Variants in MYH1 observed in about 807,000 individuals in gnomAD.
The protein encoded by MYH1 is myosin-1.
Under a neutral mutation model 225.6 loss-of-function variants are expected in MYH1, and 214 were observed. The observed-to-expected ratio is 0.95, with a 90% CI of 0.85 to 1.06. The LOEUF (loss-of-function observed/expected upper bound fraction) is 1.06. MYH1 is among the 50% of genes least tolerant of loss of function. The probability of loss-of-function intolerance (pLI) is 0.00; values close to 1 mark genes in which losing one functional copy is unlikely to be tolerated. For missense variants in MYH1, 2,098 were observed against 2,344.2 expected (o/e 0.89, Z 2.17); for synonymous variants, 774 against 842.3 (o/e 0.92, Z 1.40).
At chr17:10,493,677 G>T (rs12944031) in intron 39 of MYH1, among the ~76,000 whole-genome samples, 8,640 of 152,164 alleles carry the variant, frequency 0.057, 267 homozygotes, top group South Asian at 0.12. Flanking sequence ...CTGCAATTCT[G>T]TTCTTCCCTT....
At chr17:10,517,823 A>G (rs1408523561) in intron 2 of MYH1, among the ~76,000 whole-genome samples, 2 of 152,194 alleles carry the variant, frequency 1.3e-5, no homozygotes, top group African/African-American at 2.4e-5. Flanking sequence ...CTATTTATCC[A>G]ATTAGACATC....
chr17:10,497,496 G>T, intron 31 of MYH1, 44 bp from the exon 32 acceptor site: 3 of 1,577,156 alleles, frequency 1.9e-6, no homozygotes, highest in South Asian at 1.2e-5. Flanking sequence ...GACAAAATTT[G>T]ATGAGATAAA....
chr17:10,513,154 T>A (rs1311311463), intron 9 of MYH1, among the ~76,000 whole-genome samples, 189 bp from the exon 10 acceptor site: 1 of 152,172 alleles, frequency 6.6e-6, no homozygotes, highest in Non-Finnish European at 1.5e-5. Context: ...GGGAAAAAAG[T>A]GAAATATGCT....
Position 10,509,617 on chromosome 17 carries a change from A to T in MYH1, c.1455T>A (p.Asn485Lys). ...GGTTGAAAAACTGTTGCAGTTTCTC[A>T]TTGGTGAAGTTGATGCACAGCTGCT... is the stretch of plus-strand genomic sequence containing the variant. ...SLEQLCINFT[N>K]EKLQQFFNHH... Residue 485 changes from asparagine to lysine, a missense_variant, in exon 15 of 40, where the codon AAT becomes AAA. Transcript: ENST00000226207. The T allele has an allele frequency of 1.2e-6, 2 of 1,614,174 alleles. No individual in the cohort carries two copies. The highest frequency in any genetic ancestry group is 1.7e-6 in the Non-Finnish European group (2 of 1,180,030).
chr17:10,502,190 G>A (rs2073065562), intron 24 of MYH1, among the ~76,000 whole-genome samples: 1 of 152,172 alleles, frequency 6.6e-6, no homozygotes, highest in South Asian at 2.1e-4. Flanking sequence ...CAGCTGGGAT[G>A]GACACCATGC....
Position 10,500,755 on chromosome 17 carries a change from G to A in MYH1, c.3739-3C>T. 1.9e-6 allele frequency: 3 copies of A among 1,613,988 alleles called. No individual in the cohort carries two copies. The highest frequency in any genetic ancestry group is 2.5e-6 in the Non-Finnish European group (3 of 1,179,966). On this transcript the variant is annotated splice_region_variant and splice_polypyrimidine_tract_variant and intron_variant, in intron 27 of 39. Coordinates refer to ENST00000226207, the MANE Select transcript of MYH1 (RefSeq NM_005963.4). ...CGGCACATCTTTTCAAGGTTTCCCT[G>A]CATTCAAAAAGTGGTAGAAGGCATC... is the stretch of plus-strand genomic sequence containing the variant.
chr17:10,516,442 T>A lies in MYH1; in HGVS notation c.201A>T (p.Gly67=). 1.2e-6 allele frequency: 2 copies of A among 1,614,244 alleles called. No homozygotes were observed. The highest frequency in any genetic ancestry group is 1.7e-6 in the Non-Finnish European group (2 of 1,180,048). ...GGKVTAKTEA[G]ATVTVKDDQV... The stretch of plus-strand genomic sequence containing the variant: ...AGCTCCAGGTGTTTTTACTCACAGC[T>A]CCAGCTTCGGTCTTAGCTGTCACCT... Residue 67 remains glycine (G), a synonymous_variant, in exon 3 of 40, where the codon GGA becomes GGT. Transcript: ENST00000226207.
chr17:10,515,427 G>T (rs1715154583), intron 5 of MYH1, among the ~76,000 whole-genome samples: 2 of 152,080 alleles, frequency 1.3e-5, no homozygotes, highest in Admixed American at 1.3e-4. Context: ...TATGTGTGTA[G>T]CCCCAAAACA....
chr17:10,511,955 C>T lies in MYH1; in HGVS notation c.1300G>A (p.Val434Ile), dbSNP rs753113092. The T allele has an allele frequency of 4.3e-6, 7 of 1,614,056 alleles. No individual in the cohort carries two copies. Among genetic ancestry groups the T allele is most frequent in the African/African-American group, 4.0e-5 (3 of 74,912 alleles). The change falls in exon 14 of 40, where the codon GTC (valine) becomes ATC (isoleucine). Residue 434 changes from valine (V) to isoleucine (I), a missense_variant. Coordinates refer to ENST00000226207, the MANE Select transcript of MYH1 (RefSeq NM_005963.4). ...ATCCACAAGAACATCTTATCGTAGA[C>T]AGCTTTGGCCAGAGCACCCACTGCA... ...YNAVGALAKA[V>I]YDKMFLWMVT...
At chr17:10,517,620 A>G (rs1597445126) in intron 2 of MYH1, among the ~76,000 whole-genome samples, 1 of 152,188 alleles carries the variant, frequency 6.6e-6, no homozygotes, top group East Asian at 1.9e-4. Flanking sequence ...TCCCATTGAA[A>G]CTATGTTGAC....
Position 10,513,821 on chromosome 17 carries a change from A to G in MYH1, c.741T>C (p.Phe247=). Residue 247 remains phenylalanine (F), a splice_region_variant and synonymous_variant, in exon 8 of 40, where the codon TTT becomes TTC. Coordinates refer to ENST00000226207, the MANE Select transcript of MYH1 (RefSeq NM_005963.4). ...ACCCTTTGGCAACCAAGAGACTTAC[A>G]AAGCGAGAGGAGTTGTCATTCCTCA... ...KTVRNDNSSR[F]GKFIRIHFGT... 6.2e-7 allele frequency: 1 copy of G among 1,614,174 alleles called. No homozygotes were observed. The highest frequency in any genetic ancestry group is 8.5e-7 in the Non-Finnish European group (1 of 1,180,002).
rs2073224171 is a variant in MYH1, at chr17:10,516,075, G to A, written c.356C>T (p.Ser119Leu). The A allele has an allele frequency of 2.5e-6, 4 of 1,614,116 alleles. No homozygotes were observed. The highest frequency in any genetic ancestry group is 3.4e-6 in the Non-Finnish European group (4 of 1,179,990). Residue 119 changes from serine to leucine, a missense_variant, in exon 5 of 40, where the codon TCA becomes TTA. By Grantham distance (145) the Ser-to-Leu change is moderately radical. Coordinates refer to ENST00000226207, the MANE Select transcript of MYH1 (RefSeq NM_005963.4). Reference protein sequence around the residue: ...RYAAWMIYTYSGLFCVTVNPY... With the variant: ...RYAAWMIYTYLGLFCVTVNPY... ...GTTGACAGTGACACAGAACAAGCCT[G>A]AGTAGGTCTGCACCCAAAACAAAAG...
At position 10,494,677 on chromosome 17, in the gene MYH1, C is replaced by G. The variant is rs1027143684; in HGVS notation, c.5467-4G>C. ...CTTCACCTTCAAGTTCACGAACCTA[C>G]AAGAAGATGGACATTTTAAGGACAT... is the stretch of plus-strand genomic sequence containing the variant. On this transcript the variant is annotated splice_polypyrimidine_tract_variant and splice_region_variant and intron_variant, in intron 37 of 39. Transcript: ENST00000226207. 1.2e-6 allele frequency: 2 copies of G among 1,613,494 alleles called. No individual in the cohort carries two copies. The highest frequency in any genetic ancestry group is 3.3e-5 in the Admixed American group (2 of 59,888).
chr17:10,514,918 T>C, intron 5 of MYH1, 23 bp from the exon 6 acceptor site: 1 of 1,610,318 alleles, frequency 6.2e-7, no homozygotes. Context: ...CAGTGGAAAA[T>C]CAGCATATGT....
intron 17 of MYH1, 128 bp from the exon 18 acceptor site, chr17:10,506,227 A>G: frequency 3.3e-6 from 4 of 1,213,732 alleles, no homozygotes; most frequent in Non-Finnish European, 4.6e-6. Flanking sequence ...GAAAATTTTC[A>G]AAGAGTTATC....
Position 10,504,811 on chromosome 17 carries a change from G to T in MYH1, c.2690C>A (p.Ala897Asp). Residue 897 changes from alanine to aspartate, a missense_variant and splice_region_variant, in exon 22 of 40, where the codon GCT becomes GAT. By Grantham distance (126) the Ala-to-Asp change is moderately radical. Transcript: ENST00000226207. ...AGGAAATGACTTCGGGATACTCACA[G>T]CTTGAACCTGGAGTTGCAAGTCATT... ...EKNDLQLQVQ[A>D]EADSLADAEE... 6.2e-7 allele frequency: 1 copy of T among 1,613,832 alleles called. No homozygotes were observed. The highest frequency in any genetic ancestry group is 1.6e-4 in the Middle Eastern group (1 of 6,062).
At position 10,508,612 on chromosome 17, in the gene MYH1, A is replaced by C; in HGVS notation, c.1648T>G (p.Ser550Ala). 3 of 1,614,226 alleles carry C rather than the reference A, an allele frequency of 1.9e-6. No homozygotes were observed. The highest frequency in any genetic ancestry group is 2.5e-6 in the Non-Finnish European group (3 of 1,180,036). ...ECMFPKATDTSFKNKLYEQHL... is the reference protein window; with the variant it reads ...ECMFPKATDTAFKNKLYEQHL... ...TGTTCATACAGCTTGTTCTTGAAGG[A>C]GGTGTCTGTCGCCTTGGGGAACATG... The change falls in exon 16 of 40, where the codon TCC becomes GCC. Residue 550 changes from serine to alanine, a missense_variant. Coordinates refer to ENST00000226207, the MANE Select transcript of MYH1 (RefSeq NM_005963.4).
In MYH1 at chr17:10,501,752, C is replaced by T. The variant is rs1182511426; in HGVS notation, c.3257+14G>A. ...GTAATTTCCCCACAAAACTGTTGAC[C>T]TAAAACTGCTTACTTTTTAAGCTTT... is the stretch of plus-strand genomic sequence containing the variant. On this transcript the variant is annotated intron_variant, in intron 25 of 39. Transcript: ENST00000226207. 1.9e-6 allele frequency: 3 copies of T among 1,613,916 alleles called. No homozygotes were observed. In the South Asian group the frequency reaches 3.3e-5, roughly 18 times the overall value.
chr17:10,516,720 ACT>A, intron 2 of MYH1, 38 bp from the exon 3 acceptor site: 1 of 1,541,302 alleles, frequency 6.5e-7, no homozygotes, highest in Non-Finnish European at 8.9e-7. Flanking sequence ...AAATTAAGAA[ACT>A]GGACCATTAG....
Sources: allele counts gnomAD v4.1 joint callset (sites outside exome capture counted in the v4.1 genomes callset), GRCh38; gene constraint gnomAD v4.1.1; transcripts MANE v1.5; gene names NCBI Gene and HGNC (gene_info 2026-07-23, HGNC 2026-07-21).